LARGE1: variants seen among roughly 807,000 people sequenced by gnomAD.
The protein encoded by LARGE1 is LARGE xylosyl- and glucuronyltransferase 1.
LARGE1 carries 43 observed loss-of-function variants against 87.6 expected under a neutral mutation model. That is an observed-to-expected ratio of 0.49 (90% CI 0.38 to 0.63). The LOEUF (loss-of-function observed/expected upper bound fraction) is 0.63, where lower values mean the gene tolerates loss of function less well. LARGE1 is among the 30% of genes least tolerant of loss of function. The pLI is 0.00. For synonymous variants in LARGE1, 434 were observed against 394.6 expected, an observed-to-expected ratio of 1.10 and a Z score of -1.18; for missense variants, 802 against 1,000.2, an observed-to-expected ratio of 0.80 and a Z score of 2.67.
At chr22:33,461,753 T>C (rs531877208) in intron 6 of LARGE1, among the ~76,000 whole-genome samples, 1 of 151,934 alleles carries the variant, frequency 6.6e-6, no homozygotes, top group African/African-American at 2.4e-5. Flanking sequence ...ACACACTCTC[T>C]CTGTCTCTTA....
chr22:33,912,923 G>A (rs2065679925), intron 1 of LARGE1, among the ~76,000 whole-genome samples: 1 of 151,278 alleles, frequency 6.6e-6, no homozygotes, highest in Non-Finnish European at 1.5e-5. Context: ...CTCCGTCTCT[G>A]GAGTTCAAGT....
At chr22:33,101,340 A>T in the LARGE1 span, among the ~76,000 whole-genome samples, 1 of 152,252 alleles carries the variant, frequency 6.6e-6, no homozygotes, top group South Asian at 2.1e-4. Flanking sequence ...AAGTCACTTA[A>T]CCTCTCTGTG....
intron 9 of LARGE1, among the ~76,000 whole-genome samples, chr22:33,357,418 G>A (rs924947813): frequency 5.9e-5 from 9 of 152,034 alleles, no homozygotes; most frequent in Non-Finnish European, 7.4e-5. Context: ...CATTATTTTG[G>A]GTGATGGTTA....
In LARGE1 at chr22:33,669,439, T is replaced by C. The variant is rs923680542; in HGVS notation, c.107-18771A>G. ...AGATTATAACATTAGTATCCTCCTA[T>C]TATAGGGATAAGGCAAAACTAAAGC... On this transcript the variant is annotated intron_variant, in intron 2 of 14. Coordinates refer to ENST00000397394, the MANE Select transcript of LARGE1 (RefSeq NM_133642.5). 2.0e-5 allele frequency among the ~76,000 whole-genome samples: 3 copies of C among 152,222 alleles called. No homozygotes were observed. The East Asian group carries it at 5.8e-4, about 29-fold the overall frequency.
intron 9 of LARGE1, among the ~76,000 whole-genome samples, chr22:33,351,946 C>T (rs1249235009): frequency 6.6e-6 from 1 of 152,042 alleles, no homozygotes; most frequent in Non-Finnish European, 1.5e-5. Context: ...ACCATGTTGG[C>T]CAAGATGGTC....
chr22:33,744,657 T>C (rs2084011599), intron 2 of LARGE1, among the ~76,000 whole-genome samples: 1 of 152,236 alleles, frequency 6.6e-6, no homozygotes. Flanking sequence ...CTTGGACTTC[T>C]GGATGGCTCT....
intron 2 of LARGE1, among the ~76,000 whole-genome samples, chr22:33,710,779 A>AT (rs368807001): frequency 9.2e-5 from 14 of 152,336 alleles, no homozygotes; most frequent in African/African-American, 3.4e-4. Context: ...CGTCCTACAC[A>AT]TTAGAGAAGG....
intron 7 of LARGE1, among the ~76,000 whole-genome samples, chr22:33,408,482 C>G (rs11912605): frequency 0.058 from 8,849 of 152,170 alleles, 304 homozygotes; most frequent in African/African-American, 0.089. Context: ...GTTTCATTAT[C>G]AGGCATATAA....
chr22:33,153,883 T>G, the LARGE1 span, among the ~76,000 whole-genome samples: 1 of 152,210 alleles, frequency 6.6e-6, no homozygotes, highest in African/African-American at 2.4e-5. Context: ...GGTCCCAAAT[T>G]TTAATCTCTG....
chr22:33,138,195 G>A, the LARGE1 span, among the ~76,000 whole-genome samples: 11 of 152,190 alleles, frequency 7.2e-5, no homozygotes, highest in Non-Finnish European at 1.5e-5. Flanking sequence ...TGACCTGGAC[G>A]TGAGACATGG....
At chr22:33,839,751 T>C (rs1171852447) in intron 1 of LARGE1, among the ~76,000 whole-genome samples, 1 of 152,176 alleles carries the variant, frequency 6.6e-6, no homozygotes, top group Non-Finnish European at 1.5e-5. Flanking sequence ...AAATCACACG[T>C]TTACATGAAA....
intron 11 of LARGE1, among the ~76,000 whole-genome samples, chr22:33,238,015 A>T (rs1926337853): frequency 6.6e-6 from 1 of 152,172 alleles, no homozygotes; most frequent in African/African-American, 2.4e-5. Context: ...TGAGACCAGG[A>T]TGGGGACGAG....
chr22:33,808,754 G>T (rs1415959685), intron 1 of LARGE1, among the ~76,000 whole-genome samples: 1 of 152,106 alleles, frequency 6.6e-6, no homozygotes, highest in African/African-American at 2.4e-5. Flanking sequence ...TATCCTCTTC[G>T]CATTTTCCCA....
At chr22:33,280,541 G>T (rs1930237290) in intron 13 of LARGE1, among the ~76,000 whole-genome samples, 1 of 152,150 alleles carries the variant, frequency 6.6e-6, no homozygotes, top group African/African-American at 2.4e-5. Flanking sequence ...TGTAGGGACA[G>T]CTGGGTCAGT....
At chr22:33,608,373 C>G (rs1013878270) in intron 4 of LARGE1, among the ~76,000 whole-genome samples, 1 of 152,152 alleles carries the variant, frequency 6.6e-6, no homozygotes, top group South Asian at 2.1e-4. Flanking sequence ...CCATGAATTC[C>G]TGTTCATTCT....
chr22:33,669,288 T>C (rs2081345690), intron 2 of LARGE1, among the ~76,000 whole-genome samples: 1 of 152,234 alleles, frequency 6.6e-6, no homozygotes, highest in Admixed American at 6.5e-5. Context: ...CTTAAGGGAA[T>C]AGGACATGAT....
At chr22:33,745,512 T>C (rs921726117) in intron 2 of LARGE1, among the ~76,000 whole-genome samples, 3 of 152,192 alleles carry the variant, frequency 2.0e-5, no homozygotes, top group African/African-American at 4.8e-5. Context: ...CTTATGTTCA[T>C]GTCTGCACTG....
chr22:33,630,653 G>A lies in LARGE1; in HGVS notation c.409-4327C>T, dbSNP rs557133073. Among the ~76,000 whole-genome samples the A allele has an allele frequency of 5.3e-5, 8 of 152,226 alleles. No individual in the cohort carries two copies. In the South Asian group the frequency reaches 8.3e-4, roughly 16 times the overall value. On this transcript the variant is annotated intron_variant, in intron 3 of 14. Coordinates refer to ENST00000397394, the MANE Select transcript of LARGE1 (RefSeq NM_133642.5). Reference sequence around the variant, plus strand: ...ATCATGATTACAGTTCACAGAAATCGAAGTAGCTCTGGGTGAGTCAGTGAG... The same window carrying A: ...ATCATGATTACAGTTCACAGAAATCAAAGTAGCTCTGGGTGAGTCAGTGAG...
intron 1 of LARGE1, among the ~76,000 whole-genome samples, chr22:33,820,012 G>A (rs775549025): frequency 3.9e-5 from 6 of 152,116 alleles, no homozygotes; most frequent in Non-Finnish European, 5.9e-5. Flanking sequence ...GGTCCAGGGT[G>A]TTTCCTTAGG....
Sources: gnomAD v4.1 joint callset for allele counts (sites outside exome capture counted in the v4.1 genomes callset) on GRCh38, gnomAD v4.1.1 for gene constraint, MANE v1.5 for transcripts, NCBI Gene and HGNC (gene_info 2026-07-23, HGNC 2026-07-21) for gene names.